The following CDC42EP2 variants were observed in gnomAD, a reference collection of about 807,000 sequenced individuals.
The protein encoded by CDC42EP2 is CDC42 effector protein 2.
CDC42EP2 carries 5 observed loss-of-function variants against 7.3 expected under a neutral mutation model. The observed-to-expected ratio is 0.68, with a 90% CI of 0.36 to 1.44. The LOEUF is 1.44. Among genes scored for constraint, CDC42EP2 ranks in the 40% most tolerant of loss-of-function variants. The pLI is 0.04. For synonymous variants in CDC42EP2, 113 were observed against 123.6 expected, an observed-to-expected ratio of 0.91 and a Z score of 0.57; for missense variants, 251 against 282.6, an observed-to-expected ratio of 0.89 and a Z score of 0.80.
rs551331905 is a variant in CDC42EP2, at chr11:65,319,721, C to T, written c.-355-823C>T. ...GGTCAAATGGGAAGTGCCAGCCACC[C>T]AGCACCCTTGGCCAAACATCTGCTG... is the stretch of plus-strand genomic sequence containing the variant. On this transcript the variant is annotated intron_variant, in intron 1 of 1. Transcript: ENST00000279249. Among the ~76,000 whole-genome samples the T allele has an allele frequency of 3.3e-5, 5 of 152,280 alleles. 1 individual carries two copies. In the East Asian group the frequency reaches 9.7e-4, roughly 29 times the overall value.
rs1173675626 is a variant in CDC42EP2 at position 65,315,306 on chromosome 11, A to G, written c.-356+352A>G. On this transcript the variant is annotated intron_variant, in intron 1 of 1. Coordinates refer to ENST00000279249, the MANE Select transcript of CDC42EP2 (RefSeq NM_006779.4). The surrounding 1 kb of genome is among the most constrained non-coding windows in gnomAD (Gnocchi z 4.1). ...TTAGCCGATAGTGAGTTGTTCTCCT[A>G]TCTTTAGCTGCGGCCGCGAATGTCC... is the stretch of plus-strand genomic sequence containing the variant. Among the ~76,000 whole-genome samples the G allele has an allele frequency of 1.3e-5, 2 of 152,048 alleles. No individual in the cohort carries two copies. The highest frequency in any genetic ancestry group is 2.9e-5 in the Non-Finnish European group (2 of 67,988).
chr11:65,315,462 C>T lies in CDC42EP2; in HGVS notation c.-356+508C>T, dbSNP rs1949943000. 6.6e-6 allele frequency among the ~76,000 whole-genome samples: 1 copy of T among 152,216 alleles called. No individual in the cohort carries two copies. The highest frequency in any genetic ancestry group is 1.5e-5 in the Non-Finnish European group (1 of 68,030). On this transcript the variant is annotated intron_variant, in intron 1 of 1. Transcript: ENST00000279249. This position sits in a 1 kb window ranked among gnomAD's most constrained non-coding sequence, Gnocchi z 4.1. Reference sequence around the variant, plus strand: ...GGGCCCGCACGCCCGAGCTCTGGCCCTGTGCCGAGCGGACACTAGGACATC... The same window carrying T: ...GGGCCCGCACGCCCGAGCTCTGGCCTTGTGCCGAGCGGACACTAGGACATC...
rs767489705 is a variant in CDC42EP2 at position 65,321,265 on chromosome 11, A to G, written c.367A>G (p.Thr123Ala). The G allele has an allele frequency of 3.7e-6, 6 of 1,613,720 alleles. No homozygotes were observed. Among genetic ancestry groups the G allele is most frequent in the South Asian group, 1.1e-5 (1 of 91,084 alleles). Reference sequence around the variant, plus strand: ...TGGACCCCAGGCTCTCACCCTGCCCACAGCCCAGGCTCCACCCAAGCCCCC... The same window carrying G: ...TGGACCCCAGGCTCTCACCCTGCCCGCAGCCCAGGCTCCACCCAAGCCCCC... ...IGGPQALTLP[T>A]AQAPPKPPRL... The change falls in exon 2 of 2, where the codon ACA becomes GCA. Residue 123 changes from threonine to alanine, a missense_variant. Physicochemically the swap from Thr to Ala is moderately conservative, Grantham distance 58. Transcript: ENST00000279249. This position sits in a 1 kb window ranked among gnomAD's most constrained non-coding sequence, Gnocchi z 4.4.
rs1399161327 is a variant in CDC42EP2 at position 65,315,592 on chromosome 11, G to A, written c.-356+638G>A. Reference sequence around the variant, plus strand: ...CCCCGATTGTGGGACCAGAAACCCCGAAGCAAAAAGATCTCGCAGGTAATC... The same window carrying A: ...CCCCGATTGTGGGACCAGAAACCCCAAAGCAAAAAGATCTCGCAGGTAATC... On this transcript the variant is annotated intron_variant, in intron 1 of 1. Transcript: ENST00000279249. This position sits in a 1 kb window ranked among gnomAD's most constrained non-coding sequence, Gnocchi z 4.1. Among the ~76,000 whole-genome samples, 1 of 152,246 alleles carries A rather than the reference G, an allele frequency of 6.6e-6. No individual in the cohort carries two copies. The highest frequency in any genetic ancestry group is 2.4e-5 in the African/African-American group (1 of 41,472).
In CDC42EP2 at chr11:65,314,945, G is replaced by C. The variant is rs766849103; in HGVS notation, c.-365G>C. 2 of 152,278 alleles carry C rather than the reference G, an allele frequency of 1.3e-5. No individual in the cohort carries two copies. The highest frequency in any genetic ancestry group is 2.4e-5 in the African/African-American group (1 of 41,452). 9.4% of individuals were successfully genotyped at this position (152,278 alleles called of 1,614,324 possible). The stretch of plus-strand genomic sequence containing the variant: ...TGCTGTCCGCCGGTCTGCCGTCTGC[G>C]CGCCTCACGGTGAGTTCGGGCTGGG... On this transcript the variant is annotated 5_prime_UTR_variant, in exon 1 of 2. Coordinates refer to ENST00000279249, the MANE Select transcript of CDC42EP2 (RefSeq NM_006779.4).
chr11:65,321,694 C>A lies in CDC42EP2; in HGVS notation c.*163C>A. 1 of 676,152 alleles carries A rather than the reference C, an allele frequency of 1.5e-6. No individual in the cohort carries two copies. Among genetic ancestry groups the A allele is most frequent in the Non-Finnish European group, 2.5e-6 (1 of 392,576 alleles). The allele number at this position is 676,152 out of a possible 1,614,324, so 41.9% of individuals were successfully genotyped here. A position where few individuals can be genotyped will look rare whatever the true frequency, so the allele number is the denominator to read the frequency against. On this transcript the variant is annotated 3_prime_UTR_variant, in exon 2 of 2. Transcript: ENST00000279249. The surrounding 1 kb of genome is among the most constrained non-coding windows in gnomAD (Gnocchi z 4.4). ...TGTTTCCCCTCTCCCTCCCTCTCCA[C>A]GTGGGCAGGGCAGGCCCCATCGCTT...
Position 65,321,371 on chromosome 11 carries a change from C to G in CDC42EP2, c.473C>G (p.Ser158Cys). ...VDIWRIPETG[S>C]PNSGLTPESG... is the part of the protein sequence containing the mutation. The stretch of plus-strand genomic sequence containing the variant: ...ATCTGGAGGATTCCAGAGACTGGCT[C>G]CCCCAACAGTGGACTGACCCCGGAG... Residue 158 changes from serine to cysteine, a missense_variant, in exon 2 of 2, where the codon TCC becomes TGC. Transcript: ENST00000279249. The surrounding 1 kb of genome is among the most constrained non-coding windows in gnomAD (Gnocchi z 4.4). The G allele has an allele frequency of 6.2e-7, 1 of 1,613,836 alleles. No individual in the cohort carries two copies. The highest frequency in any genetic ancestry group is 1.1e-5 in the South Asian group (1 of 91,090).
In CDC42EP2 at chr11:65,315,847, C is replaced by T. The variant is rs138894561; in HGVS notation, c.-356+893C>T. Among the ~76,000 whole-genome samples the T allele has an allele frequency of 6.6e-6, 1 of 152,196 alleles. No homozygotes were observed. Among genetic ancestry groups the T allele is most frequent in the Non-Finnish European group, 1.5e-5 (1 of 68,022 alleles). On this transcript the variant is annotated intron_variant, in intron 1 of 1. Transcript: ENST00000279249. The surrounding 1 kb of genome is among the most constrained non-coding windows in gnomAD (Gnocchi z 4.1). Reference sequence around the variant, plus strand: ...TCTGCATCCTCGAGGTCTAGGAGGGCGGGAGGAGGTGGACGCCTGGGGTCA... The same window carrying T: ...TCTGCATCCTCGAGGTCTAGGAGGGTGGGAGGAGGTGGACGCCTGGGGTCA...
At position 65,315,509 on chromosome 11, in the gene CDC42EP2, G is replaced by A. The variant is rs1476339755; in HGVS notation, c.-356+555G>A. Among the ~76,000 whole-genome samples the A allele has an allele frequency of 6.6e-6, 1 of 152,260 alleles. No individual in the cohort carries two copies. The highest frequency in any genetic ancestry group is 1.5e-5 in the Non-Finnish European group (1 of 68,044). On this transcript the variant is annotated intron_variant, in intron 1 of 1. Coordinates refer to ENST00000279249, the MANE Select transcript of CDC42EP2 (RefSeq NM_006779.4). The surrounding 1 kb of genome is among the most constrained non-coding windows in gnomAD (Gnocchi z 4.1). ...CATCGCCCAGGCCGGAAAGCACAGG[G>A]GGGAGGCTCCTCCCAGAGCTTGGAG...
In CDC42EP2 at chr11:65,321,149, A is replaced by G; in HGVS notation, c.251A>G (p.Gln84Arg). Reference sequence around the variant, plus strand: ...GATGGCACCTTCGACCTCCCCTTCCAGTTCACCCGCACCGCCACCGTGTGT... The same window carrying G: ...GATGGCACCTTCGACCTCCCCTTCCGGTTCACCCGCACCGCCACCGTGTGT... The part of the protein sequence containing the change: ...EEDGTFDLPF[Q>R]FTRTATVCGR... The change falls in exon 2 of 2, where the codon CAG (glutamine) becomes CGG (arginine). Residue 84 changes from glutamine (Q) to arginine (R), a missense_variant. Coordinates refer to ENST00000279249, the MANE Select transcript of CDC42EP2 (RefSeq NM_006779.4). This position sits in a 1 kb window ranked among gnomAD's most constrained non-coding sequence, Gnocchi z 4.4. 2 of 1,613,992 alleles carry G rather than the reference A, an allele frequency of 1.2e-6. No homozygotes were observed. The highest frequency in any genetic ancestry group is 1.7e-6 in the Non-Finnish European group (2 of 1,179,948).
At chr11:65,316,911 T>A (rs1215598920) in intron 1 of CDC42EP2, 1 of 152,446 alleles carries the variant, frequency 6.6e-6, no homozygotes, top group Admixed American at 6.5e-5. Context: ...TCAGGCTGTC[T>A]TGGCGCTGCC....
intron 1 of CDC42EP2, among the ~76,000 whole-genome samples, chr11:65,319,077 A>G (rs1163715740): frequency 6.6e-6 from 1 of 150,690 alleles, no homozygotes; most frequent in African/African-American, 2.4e-5. Context: ...GAATCCTCCA[A>G]AATTTTTCAC....
Position 65,320,869 on chromosome 11 carries a change from C to T in CDC42EP2, c.-30C>T. On this transcript the variant is annotated 5_prime_UTR_variant, in exon 2 of 2. Transcript: ENST00000279249. Reference sequence around the variant, plus strand: ...GTGGTCTCAGCAGGCGGCCCGTAGCCTCACAGCCAGGCCTGGTGGTGAGGT... The same window carrying T: ...GTGGTCTCAGCAGGCGGCCCGTAGCTTCACAGCCAGGCCTGGTGGTGAGGT... 6.4e-7 allele frequency: 1 copy of T among 1,573,142 alleles called. No individual in the cohort carries two copies. Among genetic ancestry groups the T allele is most frequent in the East Asian group, 2.3e-5 (1 of 44,230 alleles).
chr11:65,321,514 A>C lies in CDC42EP2; in HGVS notation c.616A>C (p.Met206Leu). 2 of 1,609,470 alleles carry C rather than the reference A, an allele frequency of 1.2e-6. No individual in the cohort carries two copies. Among genetic ancestry groups the C allele is most frequent in the Non-Finnish European group, 1.7e-6 (2 of 1,177,046 alleles). ...LQIMDQDLDS[M>L]QIPT is the part of the protein sequence containing the mutation. ...GATCATGGATCAGGACCTGGACAGC[A>C]TGCAGATCCCCACATAGGACACGAG... Residue 206 changes from methionine (M) to leucine (L), a missense_variant, in exon 2 of 2, where the codon ATG becomes CTG. By Grantham distance (15) the Met-to-Leu change is conservative. Transcript: ENST00000279249. The surrounding 1 kb of genome is among the most constrained non-coding windows in gnomAD (Gnocchi z 4.4).
At chr11:65,319,589 G>T (rs977135789) in intron 1 of CDC42EP2, among the ~76,000 whole-genome samples, 1 of 152,118 alleles carries the variant, frequency 6.6e-6, no homozygotes, top group African/African-American at 2.4e-5. Context: ...TAGATGCCAG[G>T]GTAGGGAGGA....
In CDC42EP2 at chr11:65,321,746, C is replaced by G; in HGVS notation, c.*215C>G. On this transcript the variant is annotated 3_prime_UTR_variant, in exon 2 of 2. Coordinates refer to ENST00000279249, the MANE Select transcript of CDC42EP2 (RefSeq NM_006779.4). This position sits in a 1 kb window ranked among gnomAD's most constrained non-coding sequence, Gnocchi z 4.4. The stretch of plus-strand genomic sequence containing the variant: ...CCTCTGATAACCACATGGACACATC[C>G]TGAAGTCAGCCCAGGCGCCCTGAGC... The G allele has an allele frequency of 1.8e-6, 1 of 542,092 alleles. No individual in the cohort carries two copies. Among genetic ancestry groups the G allele is most frequent in the Non-Finnish European group, 3.4e-6 (1 of 296,228 alleles). 33.6% of individuals were successfully genotyped at this position (542,092 alleles called of 1,614,324 possible).
rs183272432 is a variant in CDC42EP2 at position 65,318,403 on chromosome 11, C to T, written c.-355-2141C>T. 3.1e-3 allele frequency among the ~76,000 whole-genome samples: 446 copies of T among 143,364 alleles called. 1 individual carries two copies. The highest frequency in any genetic ancestry group is 1.0e-2 in the African/African-American group (384 of 38,420). The allele number at this position is 143,364 out of a possible 152,430, so 94.1% of individuals were successfully genotyped here. A position where few individuals can be genotyped will look rare whatever the true frequency, so the allele number is the denominator to read the frequency against. ...CCGAGTAGCTGGTATTACAGACCTGCGCCACCACACCTGGCAAATTTTTTT... is the reference window on the plus strand; with the variant it reads ...CCGAGTAGCTGGTATTACAGACCTGTGCCACCACACCTGGCAAATTTTTTT... On this transcript the variant is annotated intron_variant, in intron 1 of 1. Coordinates refer to ENST00000279249, the MANE Select transcript of CDC42EP2 (RefSeq NM_006779.4).
Position 65,321,134 on chromosome 11 carries a change from T to C in CDC42EP2, c.236T>C (p.Phe79Ser). The change falls in exon 2 of 2, where the codon TTC becomes TCC. Residue 79 changes from phenylalanine (F) to serine (S), a missense_variant. By Grantham distance (155) the Phe-to-Ser change is radical (BLOSUM62 -2). Transcript: ENST00000279249. This position sits in a 1 kb window ranked among gnomAD's most constrained non-coding sequence, Gnocchi z 4.4. ...GAGGGGCCTGAAGAAGATGGCACCT[T>C]CGACCTCCCCTTCCAGTTCACCCGC... ...MVEGPEEDGT[F>S]DLPFQFTRTA... 5.0e-6 allele frequency: 8 copies of C among 1,614,120 alleles called. No homozygotes were observed. Among genetic ancestry groups the C allele is most frequent in the Non-Finnish European group, 5.1e-6 (6 of 1,179,994 alleles).
At chr11:65,317,191 A>T (rs1194791333) in intron 1 of CDC42EP2, 2 of 152,146 alleles carry the variant, frequency 1.3e-5, no homozygotes, top group Non-Finnish European at 2.9e-5. Context: ...GATTTCCGCC[A>T]CGGGAGAGTC....
Sources: gnomAD v4.1 joint callset for allele counts (sites outside exome capture counted in the v4.1 genomes callset) on GRCh38, gnomAD v4.1.1 for gene constraint, Gnocchi (gnomAD v3.1) non-coding constraint, MANE v1.5 for transcripts, NCBI Gene and HGNC (gene_info 2026-07-23, HGNC 2026-07-21) for gene names.